The following SYT9 variants were observed in gnomAD, a reference collection of about 807,000 sequenced individuals.
SYT9 encodes the protein synaptotagmin-9.
In SYT9, 22 loss-of-function variants were observed where a neutral mutation model predicts 48.4. The ratio of observed to expected loss-of-function variants is 0.45; its 90% CI spans 0.32 to 0.65. The LOEUF (loss-of-function observed/expected upper bound fraction) is 0.65. Ranked by LOEUF, SYT9 falls within the 30% of genes least tolerant of loss-of-function variation. SYT9 has a pLI of 0.03. For missense variants in SYT9, 577 were observed against 622.0 expected (o/e 0.93, Z 0.77); for synonymous variants, 265 against 245.0 (o/e 1.08, Z -0.76).
intron 1 of SYT9, among the ~76,000 whole-genome samples, chr11:7,295,457 T>G (rs914318981): frequency 6.6e-6 from 1 of 152,180 alleles, no homozygotes; most frequent in African/African-American, 2.4e-5. Context: ...ATCAGAATGG[T>G]CTTTACTGTT....
intron 6 of SYT9, among the ~76,000 whole-genome samples, chr11:7,451,093 T>C (rs1173197460): frequency 6.6e-6 from 1 of 152,240 alleles, no homozygotes; most frequent in Non-Finnish European, 1.5e-5. Context: ...ATTTGTGATG[T>C]AGGTTTTTTG....
At chr11:7,280,799 A>T (rs576753384) in intron 1 of SYT9, among the ~76,000 whole-genome samples, 1 of 152,312 alleles carries the variant, frequency 6.6e-6, no homozygotes, top group African/African-American at 2.4e-5. Context: ...ACGTAAGTGG[A>T]GAAGAAGAAG....
At chr11:7,309,183 G>T (rs906464125) in intron 2 of SYT9, among the ~76,000 whole-genome samples, 22 of 152,148 alleles carry the variant, frequency 1.4e-4, no homozygotes, top group African/African-American at 5.3e-4. Context: ...TCCATGAGAG[G>T]AAAACAGCTT....
At chr11:7,398,745 T>C (rs1392335144) in intron 3 of SYT9, among the ~76,000 whole-genome samples, 2 of 152,184 alleles carry the variant, frequency 1.3e-5, no homozygotes, top group African/African-American at 4.8e-5. Flanking sequence ...GGCTTCAAAA[T>C]TGAAAACATG....
At chr11:7,344,539 C>A (rs1451651813) in intron 3 of SYT9, among the ~76,000 whole-genome samples, 1 of 152,070 alleles carries the variant, frequency 6.6e-6, no homozygotes, top group African/African-American at 2.4e-5. Context: ...TTAGCTCTTG[C>A]ATTTATAACT....
intron 3 of SYT9, among the ~76,000 whole-genome samples, chr11:7,404,041 T>C (rs879485549): frequency 6.6e-6 from 1 of 152,212 alleles, no homozygotes; most frequent in Non-Finnish European, 1.5e-5. Context: ...TCCCTGGTAA[T>C]ATTTATTGCT....
intron 3 of SYT9, among the ~76,000 whole-genome samples, chr11:7,321,202 C>T (rs1431568368): frequency 6.6e-6 from 1 of 152,174 alleles, no homozygotes; most frequent in Non-Finnish European, 1.5e-5. Context: ...GAGGCAAGGA[C>T]ACAGTTTACA....
At chr11:7,450,003 G>T (rs750031572) in intron 6 of SYT9, among the ~76,000 whole-genome samples, 2 of 152,084 alleles carry the variant, frequency 1.3e-5, no homozygotes, top group Non-Finnish European at 2.9e-5. Context: ...TCCCAAGCAG[G>T]CATGCTTTGC....
chr11:7,398,324 TAACA>T, intron 3 of SYT9, among the ~76,000 whole-genome samples: 1 of 152,328 alleles, frequency 6.6e-6, no homozygotes, highest in Middle Eastern at 3.4e-3. Context: ...ATGTCCTTTT[TAACA>T]TTTATATGAG....
chr11:7,422,250 G>A (rs1271636990), intron 6 of SYT9, among the ~76,000 whole-genome samples: 2 of 152,202 alleles, frequency 1.3e-5, no homozygotes, highest in Non-Finnish European at 1.5e-5. Context: ...TTTGTTGGAA[G>A]TGGGGCAGGA....
intron 3 of SYT9, among the ~76,000 whole-genome samples, chr11:7,321,268 T>C (rs1589943522): frequency 6.6e-6 from 1 of 152,096 alleles, no homozygotes; most frequent in East Asian, 1.9e-4. Flanking sequence ...TCAGCAAGGT[T>C]TGTTATTTTG....
intron 3 of SYT9, among the ~76,000 whole-genome samples, chr11:7,360,518 T>G (rs1850114244): frequency 6.6e-6 from 1 of 152,204 alleles, no homozygotes; most frequent in Admixed American, 6.5e-5. Context: ...TGTATCCTCT[T>G]TAATTTCATT....
Position 7,466,786 on chromosome 11 carries a change from C to T in SYT9, c.1468-6C>T, listed in dbSNP as rs191596110. 225 of 1,610,830 alleles carry T rather than the reference C, an allele frequency of 1.4e-4. No individual in the cohort carries two copies. In the African/African-American group the frequency reaches 2.6e-3, roughly 19 times the overall value. ...CAAATTATTTTTTTGTTTTTTCTTCCTGCAGAAACGATGACCATGGGTAAG... is the reference window on the plus strand; with the variant it reads ...CAAATTATTTTTTTGTTTTTTCTTCTTGCAGAAACGATGACCATGGGTAAG... On this transcript the variant is annotated splice_region_variant and splice_polypyrimidine_tract_variant and intron_variant, in intron 6 of 6. Coordinates refer to ENST00000318881, the MANE Select transcript of SYT9 (RefSeq NM_175733.4).
At chr11:7,367,098 T>C (rs200865773) in intron 3 of SYT9, among the ~76,000 whole-genome samples, 2,553 of 112,626 alleles carry the variant, frequency 0.023, 54 homozygotes, top group African/African-American at 0.042. Flanking sequence ...TTTTTTTTTT[T>C]CGAGACGGAG....
chr11:7,246,866 G>A (rs1465082899), intron 1 of SYT9, among the ~76,000 whole-genome samples: 1 of 152,192 alleles, frequency 6.6e-6, no homozygotes, highest in African/African-American at 2.4e-5. Context: ...GCTGGCTGTT[G>A]ACTGAGGCAT....
intron 3 of SYT9, among the ~76,000 whole-genome samples, chr11:7,391,628 T>C (rs10743018): frequency 0.8 from 121,204 of 150,708 alleles, 48,920 homozygotes; most frequent in East Asian, 0.88. Context: ...AGGCCAGGCA[T>C]GGTGGTGCAT....
chr11:7,247,415 A>G (rs1444927493), upstream of SYT9, among the ~76,000 whole-genome samples: 2 of 151,530 alleles, frequency 1.3e-5, no homozygotes, highest in Admixed American at 6.6e-5. Flanking sequence ...CCAGGTCACT[A>G]TGAATGCCGT....
At chr11:7,343,926 A>C (rs1032213551) in intron 3 of SYT9, among the ~76,000 whole-genome samples, 34 of 152,180 alleles carry the variant, frequency 2.2e-4, no homozygotes, top group African/African-American at 6.8e-4. Context: ...AACCCATTAT[A>C]AAAACGTCAT....
intron 3 of SYT9, among the ~76,000 whole-genome samples, chr11:7,334,431 T>G (rs913088574): frequency 7.2e-5 from 11 of 152,176 alleles, no homozygotes; most frequent in Admixed American, 5.9e-4. Context: ...TGGAGAAAAG[T>G]AGCAGATTCC....
Sources: allele counts gnomAD v4.1 joint callset (sites outside exome capture counted in the v4.1 genomes callset), GRCh38; gene constraint gnomAD v4.1.1; transcripts MANE v1.5; gene names NCBI Gene and HGNC (gene_info 2026-07-23, HGNC 2026-07-21).